The following GABRB1 variants were observed in gnomAD, a reference collection of about 807,000 sequenced individuals.
The protein encoded by GABRB1 is gamma-aminobutyric acid receptor subunit beta-1.
In GABRB1, 17 loss-of-function variants were observed where a neutral mutation model predicts 51.6. The observed-to-expected ratio is 0.33, with a 90% confidence interval of 0.23 to 0.49. GABRB1 has a LOEUF of 0.49. GABRB1 is among the 20% of genes least tolerant of loss of function. The probability of loss-of-function intolerance (pLI) is 0.99; values close to 1 mark genes in which losing one functional copy is unlikely to be tolerated. For synonymous variants in GABRB1, 247 were observed against 218.9 expected (o/e 1.13, Z -1.14); for missense variants, 410 against 600.6 (o/e 0.68, Z 3.32).
chr4:47,174,431 T>A (rs1378572419), intron 4 of GABRB1, among the ~76,000 whole-genome samples: 1 of 152,168 alleles, frequency 6.6e-6, no homozygotes, highest in Admixed American at 6.6e-5. Flanking sequence ...ACACTGCTCA[T>A]CTTCCAACTT....
chr4:47,316,137 T>G (rs1177558736), intron 4 of GABRB1, among the ~76,000 whole-genome samples: 3 of 151,908 alleles, frequency 2.0e-5, no homozygotes, highest in African/African-American at 7.2e-5. Flanking sequence ...TAGGTGCTTT[T>G]TCTATTGAGG....
rs546669433 is a variant in GABRB1 at position 47,121,495 on chromosome 4, G to T, written c.241-39754G>T. ...TTTTGTGTCAATAGTTGTTAAATTT[G>T]GTGTTCCTGAAGGGAGGATGATTGA... On this transcript the variant is annotated intron_variant, in intron 3 of 8. Coordinates refer to ENST00000295454, the MANE Select transcript of GABRB1 (RefSeq NM_000812.4). Among the ~76,000 whole-genome samples, 4 of 152,218 alleles carry T rather than the reference G, an allele frequency of 2.6e-5. No homozygotes were observed. In the East Asian group the frequency reaches 5.8e-4, roughly 22 times the overall value.
At chr4:47,083,634 C>G (rs1299073812) in intron 3 of GABRB1, among the ~76,000 whole-genome samples, 1 of 152,120 alleles carries the variant, frequency 6.6e-6, no homozygotes, top group Non-Finnish European at 1.5e-5. Flanking sequence ...CTGGGTCTGT[C>G]ACATTGCTAA....
At chr4:47,296,220 C>T (rs1419451872) in intron 4 of GABRB1, among the ~76,000 whole-genome samples, 1 of 152,126 alleles carries the variant, frequency 6.6e-6, no homozygotes, top group Non-Finnish European at 1.5e-5. Flanking sequence ...AAATAACCAG[C>T]TAACATCATA....
intron 4 of GABRB1, among the ~76,000 whole-genome samples, chr4:47,302,508 A>T (rs1724298313): frequency 6.6e-6 from 1 of 152,038 alleles, no homozygotes; most frequent in South Asian, 2.1e-4. Context: ...TAAATATTTT[A>T]AAATATACAA....
intron 4 of GABRB1, among the ~76,000 whole-genome samples, chr4:47,191,252 G>A (rs987769208): frequency 6.6e-6 from 1 of 152,092 alleles, no homozygotes; most frequent in Non-Finnish European, 1.5e-5. Flanking sequence ...ACTCCTTTGT[G>A]CCTCAAGATC....
intron 5 of GABRB1, among the ~76,000 whole-genome samples, chr4:47,345,005 G>A (rs1469986623): frequency 6.6e-6 from 1 of 152,148 alleles, no homozygotes. Flanking sequence ...TTACAGCCGT[G>A]AGCCACTATG....
At chr4:47,311,727 T>C (rs1276099632) in intron 4 of GABRB1, among the ~76,000 whole-genome samples, 1 of 152,190 alleles carries the variant, frequency 6.6e-6, no homozygotes, top group East Asian at 1.9e-4. Context: ...CTTGTTACAG[T>C]AGCAAGAGGA....
At chr4:47,199,978 G>A (rs754808839) in intron 4 of GABRB1, among the ~76,000 whole-genome samples, 27 of 152,138 alleles carry the variant, frequency 1.8e-4, no homozygotes, top group Admixed American at 1.8e-3. Context: ...GTACATATGG[G>A]ATAGGCAGAT....
At chr4:47,357,111 A>G (rs1393961233) in intron 5 of GABRB1, among the ~76,000 whole-genome samples, 1 of 152,178 alleles carries the variant, frequency 6.6e-6, no homozygotes, top group Non-Finnish European at 1.5e-5. Context: ...CTTTCTTGTA[A>G]TAAGATGTTT....
intron 4 of GABRB1, among the ~76,000 whole-genome samples, chr4:47,313,827 C>A (rs2109955904): frequency 6.6e-6 from 1 of 152,188 alleles, no homozygotes; most frequent in African/African-American, 2.4e-5. Context: ...TCAGAGAGTC[C>A]TGTGGGTCTT....
intron 4 of GABRB1, among the ~76,000 whole-genome samples, chr4:47,201,643 T>C (rs1719900862): frequency 6.6e-6 from 1 of 152,102 alleles, no homozygotes; most frequent in Admixed American, 6.6e-5. Context: ...GGGTGGTGGG[T>C]ATATATATGT....
chr4:47,265,218 CTGAGT>C (rs993007259), intron 4 of GABRB1, among the ~76,000 whole-genome samples: 5 of 152,186 alleles, frequency 3.3e-5, no homozygotes, highest in African/African-American at 1.2e-4. Flanking sequence ...CTTTCTGTGT[CTGAGT>C]TATTTCCCTA....
intron 5 of GABRB1, among the ~76,000 whole-genome samples, chr4:47,328,155 G>T (rs1201655775): frequency 6.6e-6 from 1 of 152,074 alleles, no homozygotes; most frequent in Non-Finnish European, 1.5e-5. Context: ...TTTTGATGGG[G>T]TTGTTTGTTT....
intron 4 of GABRB1, among the ~76,000 whole-genome samples, chr4:47,173,481 A>T (rs1718530199): frequency 6.6e-6 from 1 of 152,222 alleles, no homozygotes; most frequent in African/African-American, 2.4e-5. Context: ...AATATTTAAG[A>T]CATGAAACAC....
chr4:47,032,452 G>C lies in GABRB1; in HGVS notation c.208G>C (p.Ala70Pro). The C allele has an allele frequency of 6.2e-7, 1 of 1,607,112 alleles. No individual in the cohort carries two copies. The highest frequency in any genetic ancestry group is 8.5e-7 in the Non-Finnish European group (1 of 1,175,542). The change falls in exon 3 of 9, where the codon GCC (alanine) becomes CCC (proline). Residue 70 changes from alanine to proline, a missense_variant. By Grantham distance (27) the Ala-to-Pro change is conservative (BLOSUM62 -1). Transcript: ENST00000295454. Reference sequence around the variant, plus strand: ...CGACGTTGGGATGCGGATCGATGTCGCCAGCATAGACATGGTCTCCGAAGT... The same window carrying C: ...CGACGTTGGGATGCGGATCGATGTCCCCAGCATAGACATGGTCTCCGAAGT... ...PVDVGMRIDV[A>P]SIDMVSEVNM...
chr4:47,199,409 C>T (rs1560582118), intron 4 of GABRB1, among the ~76,000 whole-genome samples: 1 of 152,092 alleles, frequency 6.6e-6, no homozygotes, highest in Non-Finnish European at 1.5e-5. Context: ...CCTTAGCTAT[C>T]TTAGCAGAAG....
At chr4:47,179,583 C>G (rs1447253186) in intron 4 of GABRB1, among the ~76,000 whole-genome samples, 1 of 152,114 alleles carries the variant, frequency 6.6e-6, no homozygotes, top group Non-Finnish European at 1.5e-5. Flanking sequence ...ATATGTTTTA[C>G]TTGCTTTCAA....
At chr4:47,203,789 C>T (rs539434735) in intron 4 of GABRB1, among the ~76,000 whole-genome samples, 7 of 152,066 alleles carry the variant, frequency 4.6e-5, no homozygotes, top group Middle Eastern at 3.4e-3. Context: ...CCCCTCAGAG[C>T]GTAGGTGGAG....
Sources: allele counts gnomAD v4.1 joint callset (sites outside exome capture counted in the v4.1 genomes callset), GRCh38; gene constraint gnomAD v4.1.1; transcripts MANE v1.5; gene names NCBI Gene and HGNC (gene_info 2026-07-23, HGNC 2026-07-21).